The following SEC23A variants were observed in gnomAD, a reference collection of about 807,000 sequenced individuals.
SEC23A encodes the protein SEC23 homolog A, COPII component.
In SEC23A, 56 loss-of-function variants were observed where a neutral mutation model predicts 103.7. That is an observed-to-expected ratio of 0.54 (90% CI 0.44 to 0.67). The LOEUF is 0.67. Ranked by LOEUF, SEC23A falls within the 30% of genes least tolerant of loss-of-function variation. The pLI is 0.00. For missense variants in SEC23A, 784 were observed against 936.4 expected (o/e 0.84, Z 2.12); for synonymous variants, 281 against 293.0 (o/e 0.96, Z 0.42).
At chr14:39,067,089 T>C (rs1190857595) in intron 10 of SEC23A, 84 bp downstream of exon 10, 10 of 1,513,062 alleles carry the variant, frequency 6.6e-6, no homozygotes, top group Admixed American at 1.7e-5. Context: ...ATATTAAATT[T>C]GATTAATGGC....
At chr14:39,034,460 ACTTTT>A (rs1885398665) in intron 19 of SEC23A, among the ~76,000 whole-genome samples, 1 of 152,256 alleles carries the variant, frequency 6.6e-6, no homozygotes, top group African/African-American at 2.4e-5. Flanking sequence ...ACAATGAAAT[ACTTTT>A]CTTTATTCTA....
At chr14:39,050,049 T>C (rs1016660171) in intron 14 of SEC23A, among the ~76,000 whole-genome samples, 3 of 152,064 alleles carry the variant, frequency 2.0e-5, no homozygotes, top group African/African-American at 4.8e-5. Flanking sequence ...ATTACAGGCG[T>C]GAGCCACCGT....
In SEC23A at chr14:39,047,081, T is replaced by C. The variant is rs911573914; in HGVS notation, c.1737+1571A>G. Among the ~76,000 whole-genome samples the C allele has an allele frequency of 5.9e-5, 9 of 152,342 alleles. No individual in the cohort carries two copies. In the South Asian group the frequency reaches 1.9e-3, roughly 32 times the overall value. On this transcript the variant is annotated intron_variant, in intron 15 of 19. Coordinates refer to ENST00000307712, the MANE Select transcript of SEC23A (RefSeq NM_006364.4). ...TAAATGTTAGGTAATATTTTGGGGATGAAGACTTCCCTTAAATTTGGTCTA... is the reference window on the plus strand; with the variant it reads ...TAAATGTTAGGTAATATTTTGGGGACGAAGACTTCCCTTAAATTTGGTCTA...
At chr14:39,082,735 C>G (rs1887270504) in intron 7 of SEC23A, among the ~76,000 whole-genome samples, 1 of 152,216 alleles carries the variant, frequency 6.6e-6, no homozygotes, top group South Asian at 2.1e-4. Context: ...CATGTGCCAC[C>G]TGTAAAATGT....
chr14:39,096,759 G>A (rs959826526), intron 1 of SEC23A, among the ~76,000 whole-genome samples: 1 of 152,108 alleles, frequency 6.6e-6, no homozygotes, highest in Non-Finnish European at 1.5e-5. Flanking sequence ...TAGATCCTAT[G>A]TTTTCCATAT....
intron 13 of SEC23A, among the ~76,000 whole-genome samples, chr14:39,055,799 GA>G (rs1439198290): frequency 6.6e-6 from 1 of 152,188 alleles, no homozygotes; most frequent in Non-Finnish European, 1.5e-5. Flanking sequence ...AAGGAAAAGA[GA>G]AACAAATTTT....
At position 39,063,377 on chromosome 14, in the gene SEC23A, A is replaced by G. The variant is rs778101908; in HGVS notation, c.1345T>C (p.Cys449Arg). The G allele has an allele frequency of 6.2e-7, 1 of 1,612,724 alleles. No homozygotes were observed. The highest frequency in any genetic ancestry group is 1.1e-5 in the South Asian group (1 of 91,020). Residue 449 changes from cysteine to arginine, a missense_variant, in exon 12 of 20, where the codon TGT becomes CGT. This residue lies in a region of SEC23A where 683 missense variants were observed against 774.2 expected (regional missense o/e 0.88). Coordinates refer to ENST00000307712, the MANE Select transcript of SEC23A (RefSeq NM_006364.4). ...GTGGTCQWKI[C>R]GLSPTTTLAI... is the part of the protein sequence containing the mutation. The stretch of plus-strand genomic sequence containing the variant: ...AAGGTTGTAGTGGGACTAAGTCCAC[A>G]TATCTTCCACTGACATGTGCCACCT...
At chr14:39,077,693 GT>G (rs1887084997) in intron 7 of SEC23A, among the ~76,000 whole-genome samples, 1 of 152,130 alleles carries the variant, frequency 6.6e-6, no homozygotes, top group Non-Finnish European at 1.5e-5. Flanking sequence ...TAAGAGAAAA[GT>G]TGTTTTAGGT....
chr14:39,047,324 T>C, intron 15 of SEC23A: 1 of 1,091,926 alleles, frequency 9.2e-7, no homozygotes, highest in Non-Finnish European at 1.2e-6. Context: ...ACTTTCCTAT[T>C]AGTTTCTGCT....
chr14:39,063,500 G>GA (rs530578446), intron 11 of SEC23A, 87 bp from the exon 12 acceptor site: 3,945 of 717,976 alleles, frequency 5.5e-3, no homozygotes, highest in South Asian at 8.0e-3. Flanking sequence ...AAGACCACAG[G>GA]AAAAAAAAAA....
intron 13 of SEC23A, among the ~76,000 whole-genome samples, chr14:39,059,291 AAAAAAAAAAAAAAAAAAAAC>A (rs1180541767): frequency 1.5e-5 from 1 of 66,986 alleles, no homozygotes; most frequent in Non-Finnish European, 3.8e-5. Context: ...AAAAAAAAAA[AAAAAAAAAAAAAAAAAAAAC>A]AACAAGGTGC....
rs1006620304 is a variant in SEC23A at position 39,095,197 on chromosome 14, G to A, written c.221+701C>T. On this transcript the variant is annotated intron_variant, in intron 2 of 19. Coordinates refer to ENST00000307712, the MANE Select transcript of SEC23A (RefSeq NM_006364.4). ...CAGATTTGCTAGTGGATTGGCTGGG[G>A]GGAGAGGGAATGGAAAGAGAAGTAA... Among the ~76,000 whole-genome samples, 17 of 152,316 alleles carry A rather than the reference G, an allele frequency of 1.1e-4. No homozygotes were observed. The East Asian group carries it at 3.3e-3, about 29-fold the overall frequency.
intron 19 of SEC23A, among the ~76,000 whole-genome samples, chr14:39,036,734 A>G (rs1178693265): frequency 6.6e-6 from 1 of 152,150 alleles, no homozygotes; most frequent in African/African-American, 2.4e-5. Context: ...TGGTCTCCAA[A>G]TAAGTTCTGT....
chr14:39,082,444 C>T (rs1005709422), intron 7 of SEC23A, among the ~76,000 whole-genome samples: 3 of 151,934 alleles, frequency 2.0e-5, no homozygotes, highest in Non-Finnish European at 4.4e-5. Flanking sequence ...TTGCTGAGTA[C>T]ACTGGTTATT....
At chr14:39,042,102 A>C (rs548975755) in intron 17 of SEC23A, among the ~76,000 whole-genome samples, 1 of 152,268 alleles carries the variant, frequency 6.6e-6, no homozygotes, top group South Asian at 2.1e-4. Context: ...GCAAATCTAA[A>C]ATCATTTACA....
In SEC23A at chr14:39,032,080, T is replaced by C. The variant is rs1238570401; in HGVS notation, c.*1159A>G. ...TATGATTGTGTTCATGCAAGTACAA[T>C]CATTAAAACTGTCCTCCTAAGCATA... On this transcript the variant is annotated 3_prime_UTR_variant, in exon 20 of 20. Coordinates refer to ENST00000307712, the MANE Select transcript of SEC23A (RefSeq NM_006364.4). 1 of 152,660 alleles carries C rather than the reference T, an allele frequency of 6.6e-6. No individual in the cohort carries two copies. Among genetic ancestry groups the C allele is most frequent in the Non-Finnish European group, 1.5e-5 (1 of 68,020 alleles). 9.5% of individuals were successfully genotyped at this position (152,660 alleles called of 1,614,324 possible).
intron 5 of SEC23A, chr14:39,087,475 T>C (rs1176677019): frequency 5.3e-6 from 1 of 187,318 alleles, no homozygotes; most frequent in East Asian, 1.4e-4. Context: ...AATGTAAAAT[T>C]GCAACAGTAG....
At chr14:39,039,511 G>T in intron 18 of SEC23A, 1 of 174,270 alleles carries the variant, frequency 5.7e-6, no homozygotes, top group Non-Finnish European at 1.2e-5. Context: ...TAAACCACAG[G>T]TGATTCTATG....
At chr14:39,076,443 T>C (rs1039884468) in intron 7 of SEC23A, among the ~76,000 whole-genome samples, 1 of 150,810 alleles carries the variant, frequency 6.6e-6, no homozygotes, top group African/African-American at 2.4e-5. Flanking sequence ...TTTTTTTTTT[T>C]TTTTTTTAGA....
Sources: allele counts gnomAD v4.1 joint callset (sites outside exome capture counted in the v4.1 genomes callset), GRCh38; gene constraint gnomAD v4.1.1; regional missense constraint gnomAD v4.1.1; transcripts MANE v1.5; gene names NCBI Gene and HGNC (gene_info 2026-07-23, HGNC 2026-07-21).